The following TBL1XR1 variants were observed in gnomAD, a reference collection of about 807,000 sequenced individuals.
TBL1XR1 encodes the protein TBL1X/Y related 1.
Under a neutral mutation model 66.9 loss-of-function variants are expected in TBL1XR1, and 5 were observed. That is an observed-to-expected ratio of 0.07 (90% CI 0.04 to 0.16). The LOEUF (loss-of-function observed/expected upper bound fraction) is 0.16, where lower values mean the gene tolerates loss of function less well. TBL1XR1 is among the 10% of genes least tolerant of loss of function. TBL1XR1 has a pLI of 1.00. For missense variants in TBL1XR1, 238 were observed against 623.2 expected, an observed-to-expected ratio of 0.38 and a Z score of 6.58; for synonymous variants, 210 against 206.0, an observed-to-expected ratio of 1.02 and a Z score of -0.17.
At chr3:177,131,449 C>T in intron 1 of TBL1XR1, 1 of 937,614 alleles carries the variant, frequency 1.1e-6, no homozygotes, top group Non-Finnish European at 1.3e-6. Flanking sequence ...TATTCCCACA[C>T]CTAAAAGTTG....
chr3:177,099,974 A>C (rs1723988125), intron 1 of TBL1XR1, among the ~76,000 whole-genome samples: 1 of 152,172 alleles, frequency 6.6e-6, no homozygotes, highest in Non-Finnish European at 1.5e-5. Context: ...AGGCACAGAG[A>C]CTCATGCCTG....
intron 1 of TBL1XR1, among the ~76,000 whole-genome samples, chr3:177,101,895 C>A (rs1724265981): frequency 6.6e-6 from 1 of 152,140 alleles, no homozygotes; most frequent in African/African-American, 2.4e-5. Flanking sequence ...ATATGTTCTA[C>A]ATGACTCTCT....
chr3:177,179,820 T>C (rs1233704425), intron 1 of TBL1XR1, among the ~76,000 whole-genome samples: 3 of 152,036 alleles, frequency 2.0e-5, no homozygotes, highest in African/African-American at 4.8e-5. Flanking sequence ...AAAATACACA[T>C]GAATCATCTG....
At chr3:177,065,234 T>A (rs568102575) in intron 2 of TBL1XR1, among the ~76,000 whole-genome samples, 1 of 152,298 alleles carries the variant, frequency 6.6e-6, no homozygotes, top group South Asian at 2.1e-4. Flanking sequence ...CAAAGTAACA[T>A]ACTGGCAAAA....
chr3:177,071,048 T>TTTTTTTTTTTA (rs1719931112), intron 2 of TBL1XR1, among the ~76,000 whole-genome samples: 4 of 144,196 alleles, frequency 2.8e-5, no homozygotes, highest in African/African-American at 1.0e-4. Flanking sequence ...TTTTTTTTTT[T>TTTTTTTTTTTA]GAGACAGAGT....
At chr3:177,092,613 A>G (rs1356181734) in intron 2 of TBL1XR1, among the ~76,000 whole-genome samples, 1 of 152,160 alleles carries the variant, frequency 6.6e-6, no homozygotes, top group Non-Finnish European at 1.5e-5. Context: ...GATGGGCACT[A>G]GCAAACAAAC....
chr3:177,104,129 A>AGAGAGAG (rs1553844014), intron 1 of TBL1XR1, among the ~76,000 whole-genome samples: 1 of 141,240 alleles, frequency 7.1e-6, no homozygotes, highest in African/African-American at 2.6e-5. Context: ...AAAAAAAAAA[A>AGAGAGAG]AGAGAGAGAG....
chr3:177,129,293 C>A lies in TBL1XR1; in HGVS notation c.-121-30752G>T, dbSNP rs569788677. Reference sequence around the variant, plus strand: ...AGCTTCCTTTACATGTAACGAGATCCAGAAGAAAATGATTCCCTACTCAAG... The same window carrying A: ...AGCTTCCTTTACATGTAACGAGATCAAGAAGAAAATGATTCCCTACTCAAG... On this transcript the variant is annotated intron_variant, in intron 1 of 15. Coordinates refer to ENST00000457928, the MANE Select transcript of TBL1XR1 (RefSeq NM_024665.7). Among the ~76,000 whole-genome samples, 6 of 152,094 alleles carry A rather than the reference C, an allele frequency of 3.9e-5. No individual in the cohort carries two copies. In the East Asian group the frequency reaches 1.2e-3, roughly 29 times the overall value.
chr3:177,119,405 C>T (rs1318454715), intron 1 of TBL1XR1, among the ~76,000 whole-genome samples: 1 of 152,128 alleles, frequency 6.6e-6, no homozygotes, highest in African/African-American at 2.4e-5. Flanking sequence ...TTTATTTTTC[C>T]AATCGATGGC....
chr3:177,027,240 C>G (rs1454147648), intron 14 of TBL1XR1: 1 of 152,294 alleles, frequency 6.6e-6, no homozygotes, highest in Non-Finnish European at 1.5e-5. Flanking sequence ...CTCAAGCAAT[C>G]CACCCACCCT....
rs1723789751 is a variant in TBL1XR1 at position 177,098,527 on chromosome 3, T to C, written c.-107A>G. 5 of 985,756 alleles carry C rather than the reference T, an allele frequency of 5.1e-6. No homozygotes were observed. The highest frequency in any genetic ancestry group is 5.2e-4 in the Middle Eastern group (1 of 1,936). The allele number at this position is 985,756 out of a possible 1,614,324, so 61.1% of individuals were successfully genotyped here. ...ATATCCGGTCACCGCCAATCACAAG[T>C]TGCTGTTGTTGATGCTGAGGAAAAG... On this transcript the variant is annotated 5_prime_UTR_variant, in exon 2 of 16. Transcript: ENST00000457928.
At chr3:177,190,694 A>T (rs1315181691) in intron 1 of TBL1XR1, among the ~76,000 whole-genome samples, 2 of 152,196 alleles carry the variant, frequency 1.3e-5, no homozygotes, top group African/African-American at 4.8e-5. Flanking sequence ...AATTTAAATG[A>T]ACAGTTAAAT....
chr3:177,109,095 T>C (rs1484066567), intron 1 of TBL1XR1, among the ~76,000 whole-genome samples: 1 of 152,190 alleles, frequency 6.6e-6, no homozygotes, highest in African/African-American at 2.4e-5. Context: ...TAAATCATAA[T>C]CTAATTCACA....
chr3:177,086,950 G>A (rs1385629896), intron 2 of TBL1XR1: 1 of 150,224 alleles, frequency 6.7e-6, no homozygotes, highest in Non-Finnish European at 1.5e-5. Context: ...AAAATCATAT[G>A]GAAAATATAT....
rs1336547614 is a variant in TBL1XR1, at chr3:177,038,443, G to C, written c.926-9C>G. 3 of 1,519,252 alleles carry C rather than the reference G, an allele frequency of 2.0e-6. No individual in the cohort carries two copies. The highest frequency in any genetic ancestry group is 1.8e-6 in the Non-Finnish European group (2 of 1,131,208). The allele number at this position is 1,519,252 out of a possible 1,614,324, so 94.1% of individuals were successfully genotyped here. On this transcript the variant is annotated splice_polypyrimidine_tract_variant and intron_variant, in intron 10 of 15. Transcript: ENST00000457928. ...AACATCCAATGCTGGTGCTGCAAAG[G>C]AACAAAGGTTAGATTTGCTTTTATT...
At chr3:177,111,773 T>C (rs1725594838) in intron 1 of TBL1XR1, among the ~76,000 whole-genome samples, 1 of 152,024 alleles carries the variant, frequency 6.6e-6, no homozygotes, top group Non-Finnish European at 1.5e-5. Context: ...TCACTTTAGA[T>C]TTCAGATGAG....
intron 13 of TBL1XR1, 39 bp from the exon 14 acceptor site, chr3:177,033,175 GA>G: frequency 6.8e-7 from 1 of 1,475,018 alleles, no homozygotes; most frequent in South Asian, 1.5e-5. Context: ...TATAAGTAAG[GA>G]AATACTCCCC....
intron 1 of TBL1XR1, among the ~76,000 whole-genome samples, chr3:177,179,013 A>G (rs1435841746): frequency 2.0e-5 from 3 of 149,780 alleles, no homozygotes; most frequent in Admixed American, 6.7e-5. Flanking sequence ...CCTACTCGGG[A>G]GGCGGAGGCA....
Position 177,074,680 on chromosome 3 carries a change from C to A in TBL1XR1, c.-45-9658G>T, listed in dbSNP as rs138057356. The stretch of plus-strand genomic sequence containing the variant: ...AAGTTTTCTATGCTACCTCCCCAAC[C>A]CTCACCGCCACCAAGTATATTTCGT... On this transcript the variant is annotated intron_variant, in intron 2 of 15. Transcript: ENST00000457928. 1.4e-4 allele frequency among the ~76,000 whole-genome samples: 21 copies of A among 152,290 alleles called. No homozygotes were observed. In the East Asian group the frequency reaches 4.1e-3, roughly 29 times the overall value.
Sources: allele counts gnomAD v4.1 joint callset (sites outside exome capture counted in the v4.1 genomes callset), GRCh38; gene constraint gnomAD v4.1.1; transcripts MANE v1.5; gene names NCBI Gene and HGNC (gene_info 2026-07-23, HGNC 2026-07-21).